TAFA1: variants seen among roughly 807,000 people sequenced by gnomAD.
TAFA1 encodes the protein TAFA chemokine like family member 1, also known as chemokine-like protein TAFA-1.
A neutral mutation model predicts 18.5 loss-of-function variants in TAFA1; 4 were observed. That is an observed-to-expected ratio of 0.22 (90% CI 0.11 to 0.49). The LOEUF is 0.49. Ranked by LOEUF, TAFA1 falls within the 20% of genes least tolerant of loss-of-function variation. The pLI is 0.98. For missense variants in TAFA1, 147 were observed against 169.0 expected, an observed-to-expected ratio of 0.87 and a Z score of 0.72; for synonymous variants, 56 against 55.2, an observed-to-expected ratio of 1.01 and a Z score of -0.06.
chr3:68,432,824 G>T (rs754843502), intron 3 of TAFA1, among the ~76,000 whole-genome samples: 5 of 151,992 alleles, frequency 3.3e-5, no homozygotes, highest in Admixed American at 6.6e-5. Flanking sequence ...AAGGAACTAG[G>T]AGTGTGCATT....
intron 2 of TAFA1, among the ~76,000 whole-genome samples, chr3:68,010,761 C>A (rs1426600258): frequency 7.2e-5 from 11 of 152,042 alleles, no homozygotes; most frequent in Admixed American, 5.9e-4. Flanking sequence ...TTTGTAATTT[C>A]AATAATTTAA....
At chr3:68,204,506 C>G (rs1452777039) in intron 2 of TAFA1, among the ~76,000 whole-genome samples, 1 of 151,566 alleles carries the variant, frequency 6.6e-6, no homozygotes, top group Non-Finnish European at 1.5e-5. Flanking sequence ...ACAGTTGTGT[C>G]CTGAGGGAGG....
At chr3:68,121,753 T>C (rs947159762) in intron 2 of TAFA1, among the ~76,000 whole-genome samples, 1 of 152,154 alleles carries the variant, frequency 6.6e-6, no homozygotes, top group African/African-American at 2.4e-5. Context: ...AAACGTAGCA[T>C]ACACTGCCAT....
chr3:68,078,219 A>G (rs1463339450), intron 2 of TAFA1, among the ~76,000 whole-genome samples: 1 of 152,128 alleles, frequency 6.6e-6, no homozygotes, highest in Non-Finnish European at 1.5e-5. Flanking sequence ...GGCTGAGACA[A>G]TGGGGTTTTC....
At chr3:68,169,252 C>G (rs13070641) in intron 2 of TAFA1, among the ~76,000 whole-genome samples, 29,174 of 152,014 alleles carry the variant, frequency 0.19, 3,174 homozygotes, top group Middle Eastern at 0.29. Flanking sequence ...TTGCTCTGGA[C>G]GGTACGGGCT....
rs1331218898 is a variant in TAFA1, at chr3:68,444,808, A to G, written c.259+27388A>G. Among the ~76,000 whole-genome samples, 3 of 132,216 alleles carry G rather than the reference A, an allele frequency of 2.3e-5. No individual in the cohort carries two copies. In the East Asian group the frequency reaches 6.4e-4, roughly 28 times the overall value. The allele number at this position is 132,216 out of a possible 152,430, so 86.7% of individuals were successfully genotyped here. A position where few individuals can be genotyped will look rare whatever the true frequency, so the allele number is the denominator to read the frequency against. On this transcript the variant is annotated intron_variant, in intron 3 of 4. Transcript: ENST00000478136. ...TATATATATATATATATATATATAT[A>G]TATAAAATAAATTAATAAATAAATA...
chr3:68,473,941 T>C (rs895553172), intron 3 of TAFA1, among the ~76,000 whole-genome samples: 1 of 152,056 alleles, frequency 6.6e-6, no homozygotes, highest in East Asian at 1.9e-4. Context: ...AAGTGCTAGA[T>C]AAACATTTGT....
chr3:68,162,100 T>C (rs2065932082), intron 2 of TAFA1, among the ~76,000 whole-genome samples: 1 of 152,136 alleles, frequency 6.6e-6, no homozygotes, highest in Non-Finnish European at 1.5e-5. Flanking sequence ...CTAGAAGCAA[T>C]AGATTTCTCA....
intron 2 of TAFA1, among the ~76,000 whole-genome samples, chr3:68,333,180 C>T (rs575678416): frequency 6.6e-6 from 1 of 152,290 alleles, no homozygotes; most frequent in African/African-American, 2.4e-5. Flanking sequence ...ATAAATCATT[C>T]TGTCATAAAA....
chr3:68,339,590 C>T (rs2069045273), intron 2 of TAFA1, among the ~76,000 whole-genome samples: 1 of 152,150 alleles, frequency 6.6e-6, no homozygotes, highest in African/African-American at 2.4e-5. Flanking sequence ...AGAGCTGTGA[C>T]TTACAATCCT....
chr3:68,170,810 C>T (rs767333449), intron 2 of TAFA1, among the ~76,000 whole-genome samples: 2 of 151,968 alleles, frequency 1.3e-5, no homozygotes, highest in Admixed American at 6.6e-5. Flanking sequence ...ATCACTAAGC[C>T]AGTTAAGCAG....
At chr3:68,414,381 C>T (rs376541593) in intron 2 of TAFA1, among the ~76,000 whole-genome samples, 7 of 152,228 alleles carry the variant, frequency 4.6e-5, no homozygotes, top group African/African-American at 1.7e-4. Context: ...GGATATTTAA[C>T]CTTGGTAACC....
chr3:68,371,590 T>G (rs1201533656), intron 2 of TAFA1, among the ~76,000 whole-genome samples: 1 of 152,156 alleles, frequency 6.6e-6, no homozygotes, highest in Non-Finnish European at 1.5e-5. Context: ...TATTCCATGA[T>G]GTATATGTGC....
At chr3:68,086,376 C>CAA (rs2064970306) in intron 2 of TAFA1, among the ~76,000 whole-genome samples, 1 of 152,178 alleles carries the variant, frequency 6.6e-6, no homozygotes, top group South Asian at 2.1e-4. Flanking sequence ...CAGTCCTTTA[C>CAA]AATTTGCAGA....
intron 2 of TAFA1, among the ~76,000 whole-genome samples, chr3:68,370,976 A>G (rs1378368543): frequency 6.6e-6 from 1 of 152,068 alleles, no homozygotes; most frequent in African/African-American, 2.4e-5. Context: ...GCTTCTAACT[A>G]TAAAATTGAA....
At chr3:68,290,259 G>A (rs1474789531) in intron 2 of TAFA1, among the ~76,000 whole-genome samples, 4 of 152,012 alleles carry the variant, frequency 2.6e-5, no homozygotes, top group African/African-American at 7.2e-5. Flanking sequence ...ACCTGCAAAC[G>A]TCACACAATA....
intron 2 of TAFA1, among the ~76,000 whole-genome samples, chr3:68,182,554 T>C (rs1030745321): frequency 1.3e-5 from 2 of 152,210 alleles, no homozygotes; most frequent in African/African-American, 4.8e-5. Context: ...CTGTTGTTAT[T>C]ACTAATTTAT....
intron 2 of TAFA1, among the ~76,000 whole-genome samples, chr3:68,104,462 C>T (rs1258363625): frequency 6.6e-6 from 1 of 151,684 alleles, no homozygotes; most frequent in Non-Finnish European, 1.5e-5. Flanking sequence ...TTAAAAATAT[C>T]ACATTCCTAG....
intron 2 of TAFA1, among the ~76,000 whole-genome samples, chr3:68,202,387 C>T (rs950162889): frequency 1.3e-5 from 2 of 151,480 alleles, no homozygotes; most frequent in East Asian, 3.9e-4. Flanking sequence ...TTAATATGTA[C>T]CATATTTGTT....
Sources: allele counts gnomAD v4.1 joint callset (sites outside exome capture counted in the v4.1 genomes callset), GRCh38; gene constraint gnomAD v4.1.1; transcripts MANE v1.5; gene names NCBI Gene and HGNC (gene_info 2026-07-23, HGNC 2026-07-21).